SPIDR: variants seen among roughly 807,000 people sequenced by gnomAD.
SPIDR encodes DNA repair-scaffolding protein.
A neutral mutation model predicts 104.6 loss-of-function variants in SPIDR; 93 were observed. The ratio of observed to expected loss-of-function variants is 0.89; its 90% confidence interval spans 0.75 to 1.06. The LOEUF is 1.06. SPIDR is among the 50% of genes least tolerant of loss of function. SPIDR has a pLI of 0.00. For missense variants in SPIDR, 1,154 were observed against 1,111.2 expected (o/e 1.04, Z -0.55); for synonymous variants, 431 against 416.9 (o/e 1.03, Z -0.41).
At chr8:47,404,132 A>G (rs1285660397) in intron 6 of SPIDR, among the ~76,000 whole-genome samples, 1 of 152,262 alleles carries the variant, frequency 6.6e-6, no homozygotes, top group African/African-American at 2.4e-5. Context: ...TGGTGCTGGG[A>G]AAACTGGCCA....
intron 6 of SPIDR, among the ~76,000 whole-genome samples, chr8:47,406,133 A>G (rs1188013324): frequency 1.3e-4 from 20 of 152,018 alleles, no homozygotes; most frequent in Non-Finnish European, 2.8e-4. Flanking sequence ...TTGAAAAGCA[A>G]CATTTGGCAA....
At chr8:47,562,080 C>T (rs2057154818) in intron 8 of SPIDR, among the ~76,000 whole-genome samples, 1 of 152,002 alleles carries the variant, frequency 6.6e-6, no homozygotes, top group South Asian at 2.1e-4. Flanking sequence ...TTTATGCTTC[C>T]TTTATATGTA....
Position 47,727,266 on chromosome 8 carries a change from G to A in SPIDR, c.2408G>A (p.Gly803Glu). ...CCTGTGTGTGACATGTGTGGCAACG[G>A]GAGATTGGAACAGAGGCCGGAAGAC... ...SWPVCDMCGN[G>E]RLEQRPEDRG... is the part of the protein sequence containing the mutation. Residue 803 changes from glycine to glutamate, a missense_variant, in exon 17 of 20, where the codon GGG (glycine) becomes GAG (glutamate). Physicochemically the swap from Gly to Glu is moderately conservative, Grantham distance 98. Transcript: ENST00000297423. 1 of 1,614,132 alleles carries A rather than the reference G, an allele frequency of 6.2e-7. No homozygotes were observed. The highest frequency in any genetic ancestry group is 8.5e-7 in the Non-Finnish European group (1 of 1,179,996).
At chr8:47,305,060 G>A (rs1231972869) in intron 5 of SPIDR, among the ~76,000 whole-genome samples, 1 of 152,204 alleles carries the variant, frequency 6.6e-6, no homozygotes, top group Admixed American at 6.5e-5. Context: ...ATAACTATGA[G>A]AAATAAACTT....
At chr8:47,537,849 T>G (rs146757930) in intron 8 of SPIDR, among the ~76,000 whole-genome samples, 1,525 of 152,282 alleles carry the variant, frequency 0.01, 25 homozygotes, top group African/African-American at 0.034. Context: ...AACCTAAAGC[T>G]ACTCTAAAAA....
At chr8:47,632,847 G>A (rs568063107) in intron 10 of SPIDR, among the ~76,000 whole-genome samples, 1 of 152,218 alleles carries the variant, frequency 6.6e-6, no homozygotes, top group Admixed American at 6.5e-5. Flanking sequence ...GGAGAGGACA[G>A]TATCTCCAAG....
At chr8:47,477,985 A>G (rs1554724611) in intron 8 of SPIDR, among the ~76,000 whole-genome samples, 1 of 152,162 alleles carries the variant, frequency 6.6e-6, no homozygotes, top group Admixed American at 6.5e-5. Context: ...GGGCAGGGTA[A>G]CTTGCCCAAG....
At chr8:47,540,708 C>G (rs1013440119) in intron 8 of SPIDR, among the ~76,000 whole-genome samples, 1 of 152,220 alleles carries the variant, frequency 6.6e-6, no homozygotes. Context: ...TGTCTTTCCC[C>G]CCATTGCCCC....
Position 47,712,779 on chromosome 8 carries a change from G to GC in SPIDR, c.2100dup (p.Cys702ValfsTer6). 6.2e-7 allele frequency: 1 copy of GC among 1,614,118 alleles called. No individual in the cohort carries two copies. Among genetic ancestry groups the GC allele is most frequent in the Non-Finnish European group, 8.5e-7 (1 of 1,180,042 alleles). ...CCCCAAAACCCTGCTGGTCTATGTG[G>GC]CCCCCTTGTGTGTGCTGGGCTCTGA... is the stretch of plus-strand genomic sequence containing the variant. On this transcript the variant is annotated frameshift_variant, in exon 15 of 20. Coordinates refer to ENST00000297423, the MANE Select transcript of SPIDR (RefSeq NM_001080394.4). LOFTEE classifies it high-confidence loss of function.
At chr8:47,296,848 C>A (rs2040932961) in intron 5 of SPIDR, among the ~76,000 whole-genome samples, 1 of 152,164 alleles carries the variant, frequency 6.6e-6, no homozygotes, top group African/African-American at 2.4e-5. Flanking sequence ...AATAGTTTAA[C>A]AATATTCTTG....
chr8:47,557,761 A>G (rs949079822), intron 8 of SPIDR, among the ~76,000 whole-genome samples: 2 of 152,208 alleles, frequency 1.3e-5, no homozygotes, highest in East Asian at 1.9e-4. Flanking sequence ...GTATATCACT[A>G]AAGACAATTA....
intron 5 of SPIDR, among the ~76,000 whole-genome samples, chr8:47,307,533 G>A (rs1311674061): frequency 5.5e-5 from 4 of 72,112 alleles, no homozygotes; most frequent in African/African-American, 1.9e-4. Context: ...TTCTCATTTC[G>A]TTTTTTTTTT....
At chr8:47,464,168 T>C (rs2074402148) in intron 8 of SPIDR, among the ~76,000 whole-genome samples, 1 of 146,606 alleles carries the variant, frequency 6.8e-6, no homozygotes, top group Admixed American at 6.8e-5. Context: ...AGCACGTTAG[T>C]AAATTGAGGA....
chr8:47,677,678 C>T (rs1340275199), intron 11 of SPIDR, among the ~76,000 whole-genome samples: 1 of 152,124 alleles, frequency 6.6e-6, no homozygotes, highest in African/African-American at 2.4e-5. Context: ...TGAATTGTGT[C>T]CCTTTCAACC....
intron 12 of SPIDR, 152 bp downstream of exon 12, chr8:47,700,642 A>G (rs879569114): frequency 1.4e-5 from 10 of 737,318 alleles, no homozygotes; most frequent in Non-Finnish European, 2.0e-5. Flanking sequence ...GTAGTGATGC[A>G]TGAATATGAG....
chr8:47,518,603 A>G (rs2083506135), intron 8 of SPIDR, among the ~76,000 whole-genome samples: 1 of 151,348 alleles, frequency 6.6e-6, no homozygotes, highest in Non-Finnish European at 1.5e-5. Flanking sequence ...CTGGGGTGAT[A>G]GGGCATGTTG....
intron 8 of SPIDR, chr8:47,511,749 T>G: frequency 1.5e-6 from 2 of 1,299,000 alleles, no homozygotes; most frequent in South Asian, 1.2e-5. Context: ...GCTCCACAGC[T>G]ACAGCTCCAT....
intron 10 of SPIDR, among the ~76,000 whole-genome samples, chr8:47,600,922 G>A (rs2062196546): frequency 6.6e-6 from 1 of 152,176 alleles, no homozygotes; most frequent in East Asian, 1.9e-4. Context: ...TGACAGTGCG[G>A]TTGCTTCCTA....
intron 10 of SPIDR, chr8:47,659,824 T>C (rs2073775959): frequency 1.4e-6 from 1 of 711,974 alleles, no homozygotes; most frequent in South Asian, 6.3e-5. Context: ...CAGGTCTTTG[T>C]TGATCTTTAG....
Sources: allele counts gnomAD v4.1 joint callset (sites outside exome capture counted in the v4.1 genomes callset), GRCh38; gene constraint gnomAD v4.1.1; transcripts MANE v1.5; gene names NCBI Gene and HGNC (gene_info 2026-07-23, HGNC 2026-07-21).